The following MARF1 variants were observed in gnomAD, a reference collection of about 807,000 sequenced individuals.
The protein encoded by MARF1 is limkain-b1.
MARF1 carries 24 observed loss-of-function variants against 168.2 expected under a neutral mutation model. The observed-to-expected ratio is 0.14, with a 90% confidence interval of 0.10 to 0.20. The LOEUF is 0.20. Ranked by LOEUF, MARF1 falls within the 10% of genes least tolerant of loss-of-function variation. The pLI, the probability that MARF1 is intolerant of heterozygous loss-of-function variation, is 1.00. For missense variants in MARF1, 1,744 were observed against 2,143.6 expected, an observed-to-expected ratio of 0.81 and a Z score of 3.68; for synonymous variants, 868 against 822.4, an observed-to-expected ratio of 1.06 and a Z score of -0.95.
intron 4 of MARF1, among the ~76,000 whole-genome samples, chr16:15,634,550 G>C (rs2035459498): frequency 6.6e-6 from 1 of 152,010 alleles, no homozygotes; most frequent in African/African-American, 2.4e-5. Context: ...CACAGCTTCT[G>C]TGTATAGCCT....
In MARF1 at chr16:15,625,399, T is replaced by G. The variant is rs756444980; in HGVS notation, c.1926A>C (p.Thr642=). ...GTAAACTTTTAACATTTGTATTTTT[T>G]GTAGCAGATCCAGAATTTGCCTGTG... The part of the protein sequence containing the change: ...KGSQANSGSA[T]KNTNVKSLQE... Residue 642 remains threonine, a synonymous_variant, in exon 8 of 27, where the codon ACA becomes ACC. Transcript: ENST00000396368. 27 of 1,605,698 alleles carry G rather than the reference T, an allele frequency of 1.7e-5. No homozygotes were observed. In the East Asian group the frequency reaches 5.8e-4, roughly 34 times the overall value.
Position 15,620,452 on chromosome 16 carries a change from T to G in MARF1, c.2719A>C (p.Lys907Gln), listed in dbSNP as rs1313516222. The change falls in exon 13 of 27, where the codon AAG becomes CAG. Residue 907 changes from lysine to glutamine, a missense_variant and splice_region_variant. By Grantham distance (53) the Lys-to-Gln change is moderately conservative. Transcript: ENST00000396368. The stretch of plus-strand genomic sequence containing the variant: ...AAAGAAAAAATATACCTAACTTACT[T>G]TTTTTCATAGATATCTGTAAATTTA... The part of the protein sequence containing the change: ...LFKFTDIYEK[K>Q]FGHKLNVSDL... 1.2e-6 allele frequency: 2 copies of G among 1,605,606 alleles called. No individual in the cohort carries two copies. The highest frequency in any genetic ancestry group is 1.7e-5 in the Admixed American group (1 of 59,580).
chr16:15,619,528 A>C (rs962145269), intron 13 of MARF1, among the ~76,000 whole-genome samples: 1 of 152,014 alleles, frequency 6.6e-6, no homozygotes. Context: ...TCCTTCCTCC[A>C]GCACTTCAGT....
intron 16 of MARF1, among the ~76,000 whole-genome samples, chr16:15,613,445 C>A (rs1275847623): frequency 6.6e-6 from 1 of 151,684 alleles, no homozygotes; most frequent in East Asian, 1.9e-4. Flanking sequence ...GTCAGGAGAT[C>A]GAGACCATCC....
Position 15,602,094 on chromosome 16 carries a change from A to T in MARF1, c.4523T>A (p.Leu1508His). The T allele has an allele frequency of 6.2e-7, 1 of 1,614,228 alleles. No individual in the cohort carries two copies. The highest frequency in any genetic ancestry group is 8.5e-7 in the Non-Finnish European group (1 of 1,180,028). ...LHTYHYQQIF[L>H]HEFSMAYTKY... ...GGTATAGGCCATGGAAAACTCATGA[A>T]GGAAAATCTGCTGGTAGTGGTAAGT... Residue 1508 changes from leucine to histidine, a missense_variant, in exon 23 of 27, where the codon CTT becomes CAT. By Grantham distance (99) the Leu-to-His change is moderately conservative. This residue lies in a region of MARF1 where 313 missense variants were observed against 337.4 expected (regional missense o/e 0.93). Coordinates refer to ENST00000396368, the MANE Select transcript of MARF1 (RefSeq NM_014647.4).
At chr16:15,613,683 A>ATAAAT (rs1165266132) in intron 16 of MARF1, among the ~76,000 whole-genome samples, 1 of 145,900 alleles carries the variant, frequency 6.9e-6, no homozygotes, top group African/African-American at 2.5e-5. Context: ...AAATAAATAA[A>ATAAAT]TAAATAAAAT....
chr16:15,620,548 T>A lies in MARF1; in HGVS notation c.2640-17A>T. 3.2e-6 allele frequency: 5 copies of A among 1,572,772 alleles called. No homozygotes were observed. Among genetic ancestry groups the A allele is most frequent in the Non-Finnish European group, 4.4e-6 (5 of 1,146,212 alleles). On this transcript the variant is annotated splice_polypyrimidine_tract_variant and intron_variant, in intron 12 of 26. Transcript: ENST00000396368. ...GTTTCTGCACTGTAAAACAGAAGTT[T>A]GATTAGGGAACAGACCATTTCCTCC...
At chr16:15,630,704 T>C (rs572827612) in intron 6 of MARF1, among the ~76,000 whole-genome samples, 200 bp from the exon 7 acceptor site, 11 of 151,892 alleles carry the variant, frequency 7.2e-5, no homozygotes, top group African/African-American at 2.4e-4. Context: ...CCAAGACACA[T>C]ATGTTACTTT....
intron 5 of MARF1, 113 bp downstream of exon 5, chr16:15,633,504 T>A (rs1364107935): frequency 7.8e-6 from 6 of 772,928 alleles, no homozygotes; most frequent in Non-Finnish European, 1.2e-5. Context: ...CATGAATGCG[T>A]CACTGCACTC....
chr16:15,639,897 T>TA (rs1448825370), intron 1 of MARF1, among the ~76,000 whole-genome samples: 1 of 152,188 alleles, frequency 6.6e-6, no homozygotes, highest in Non-Finnish European at 1.5e-5. Flanking sequence ...GCTCTTCAAA[T>TA]AAAAAATGAA....
In MARF1 at chr16:15,633,671, T is replaced by G; in HGVS notation, c.1179A>C (p.Val393=). 6.2e-7 allele frequency: 1 copy of G among 1,614,146 alleles called. No homozygotes were observed. The highest frequency in any genetic ancestry group is 1.6e-4 in the Middle Eastern group (1 of 6,062). The change falls in exon 5 of 27, where the codon GTA becomes GTC. Residue 393 remains valine, a synonymous_variant. Coordinates refer to ENST00000396368, the MANE Select transcript of MARF1 (RefSeq NM_014647.4). ...CCTTGTTTTCTTTACTGATGTCACATACACAGATGAATTCTGCTTCTCTGT... is the reference window on the plus strand; with the variant it reads ...CCTTGTTTTCTTTACTGATGTCACAGACACAGATGAATTCTGCTTCTCTGT... ...KGHREAEFIC[V]CDISKENKEV...
intron 7 of MARF1, among the ~76,000 whole-genome samples, chr16:15,629,204 T>C (rs568244084): frequency 2.6e-5 from 4 of 152,014 alleles, no homozygotes; most frequent in Admixed American, 2.0e-4. Context: ...AGGGAAGAAA[T>C]GTAACTACAG....
chr16:15,625,426 C>T lies in MARF1; in HGVS notation c.1899G>A (p.Gly633=). 1 of 1,613,294 alleles carries T rather than the reference C, an allele frequency of 6.2e-7. No homozygotes were observed. Among genetic ancestry groups the T allele is most frequent in the Non-Finnish European group, 8.5e-7 (1 of 1,179,700 alleles). ...TAGCAGATCCAGAATTTGCCTGTGA[C>T]CCTTTTCCAGGCGTGGCTTTGGCAC... ...SSSAKATPGK[G]SQANSGSATK... The change falls in exon 8 of 27, where the codon GGG becomes GGA. Residue 633 remains glycine, a synonymous_variant. Transcript: ENST00000396368.
intron 21 of MARF1, among the ~76,000 whole-genome samples, chr16:15,607,716 C>T (rs11865492): frequency 1.3e-5 from 2 of 152,176 alleles, no homozygotes; most frequent in African/African-American, 4.8e-5. Flanking sequence ...TTCTTCTGGT[C>T]CTGTGGGGGA....
intron 17 of MARF1, among the ~76,000 whole-genome samples, chr16:15,612,121 TAA>T (rs1010882109): frequency 5.3e-5 from 8 of 152,208 alleles, no homozygotes; most frequent in Non-Finnish European, 1.2e-4. Flanking sequence ...AGTTAACTGG[TAA>T]AAGTCTTCAT....
chr16:15,636,429 AAT>A, intron 2 of MARF1, 87 bp from the exon 3 acceptor site: 1 of 896,878 alleles, frequency 1.1e-6, no homozygotes, highest in South Asian at 1.8e-5. Flanking sequence ...CACAAACAGA[AAT>A]AGTGTTCAAT....
intron 13 of MARF1, among the ~76,000 whole-genome samples, chr16:15,619,943 C>T (rs2034332400): frequency 6.6e-6 from 1 of 152,138 alleles, no homozygotes; most frequent in Non-Finnish European, 1.5e-5. Context: ...GTGGGCAGAT[C>T]ACTTGAGGTC....
rs1162682375 is a variant in MARF1, at chr16:15,625,068, A to C, written c.2059T>G (p.Ser687Ala). ...GCCACCCCCGAGTTTTTCGGCGTCG[A>C]CACTGCAGCACTTGAGTTACCGTGA... ...PTHGNSSAAV[S>A]TPKNSGVAEP... The change falls in exon 9 of 27, where the codon TCG (serine) becomes GCG (alanine). Residue 687 changes from serine to alanine, a missense_variant. Ser to Ala is a moderately conservative substitution (Grantham distance 99, BLOSUM62 1). This residue lies in a region of MARF1 where 270 missense variants were observed against 260.6 expected (regional missense o/e 1.04). Transcript: ENST00000396368. The C allele has an allele frequency of 1.2e-6, 2 of 1,614,054 alleles. No homozygotes were observed. The highest frequency in any genetic ancestry group is 1.3e-5 in the African/African-American group (1 of 74,922).
In MARF1 at chr16:15,596,580, C is replaced by A; in HGVS notation, c.*113G>T. The stretch of plus-strand genomic sequence containing the variant: ...TGATAGAACACAGGTAAGATGAAGT[C>A]AATGGCTTCGGGGGGTTTTCATGAC... On this transcript the variant is annotated 3_prime_UTR_variant, in exon 27 of 27. Transcript: ENST00000396368. The A allele has an allele frequency of 8.9e-7, 1 of 1,117,434 alleles. No homozygotes were observed. The highest frequency in any genetic ancestry group is 1.2e-6 in the Non-Finnish European group (1 of 807,844). The allele number at this position is 1,117,434 out of a possible 1,614,324, so 69.2% of individuals were successfully genotyped here.
Sources: allele counts gnomAD v4.1 joint callset (sites outside exome capture counted in the v4.1 genomes callset), GRCh38; gene constraint gnomAD v4.1.1; regional missense constraint gnomAD v4.1.1; transcripts MANE v1.5; gene names NCBI Gene and HGNC (gene_info 2026-07-23, HGNC 2026-07-21).